Variants in EDA observed in about 807,000 individuals in gnomAD.
The protein encoded by EDA is ectodysplasin-A.
A neutral mutation model predicts 23.6 loss-of-function variants in EDA; 2 were observed. The observed-to-expected ratio is 0.08, with a 90% CI of 0.03 to 0.27. The LOEUF (loss-of-function observed/expected upper bound fraction) is 0.27, where lower values mean the gene tolerates loss of function less well. Ranked by LOEUF, EDA falls within the 10% of genes least tolerant of loss-of-function variation. EDA has a pLI of 1.00. For synonymous variants in EDA, 131 were observed against 132.0 expected, an observed-to-expected ratio of 0.99 and a Z score of 0.05; for missense variants, 229 against 324.2, an observed-to-expected ratio of 0.71 and a Z score of 2.26.
At chrX:69,861,431 A>G (rs1419731681) in intron 1 of EDA, among the ~76,000 whole-genome samples, 3 of 111,515 alleles carry the variant, frequency 2.7e-5, no homozygotes, top group African/African-American at 9.8e-5. Context: ...ATAGCTTTCA[A>G]AGTAATAGGA....
chrX:69,677,957 C>T (rs1355987460), intron 1 of EDA, among the ~76,000 whole-genome samples: 1 of 111,506 alleles, frequency 9.0e-6, no homozygotes, highest in East Asian at 2.8e-4. Flanking sequence ...GGTTTTAGGT[C>T]TAACATTTAA....
intron 1 of EDA, among the ~76,000 whole-genome samples, chrX:69,869,695 G>A (rs190950500): frequency 2.8e-4 from 31 of 111,937 alleles, no homozygotes; most frequent in Non-Finnish European, 4.9e-4. Context: ...TGATTAATTA[G>A]CCAATGTCAG....
intron 2 of EDA, among the ~76,000 whole-genome samples, chrX:70,018,493 A>T (rs1250868479): frequency 8.9e-6 from 1 of 111,897 alleles, no homozygotes; most frequent in Admixed American, 9.5e-5. Flanking sequence ...GTACAGATCG[A>T]ACAATGGAAT....
intron 1 of EDA, among the ~76,000 whole-genome samples, chrX:69,790,491 C>T (rs2015373441): frequency 9.0e-6 from 1 of 111,437 alleles, no homozygotes. Context: ...CAGTGTGTGA[C>T]CCACTCAGTG....
intron 1 of EDA, among the ~76,000 whole-genome samples, chrX:69,839,204 C>T (rs2016844848): frequency 8.9e-6 from 1 of 111,865 alleles, no homozygotes; most frequent in African/African-American, 3.3e-5. Flanking sequence ...TTCAACTCAC[C>T]AGGCCACTCT....
chrX:69,807,735 C>T (rs1207709358), intron 1 of EDA, among the ~76,000 whole-genome samples: 2 of 110,117 alleles, frequency 1.8e-5, no homozygotes, highest in African/African-American at 6.6e-5. Context: ...TCCTGTCAGG[C>T]ATTGAGTCAG....
intron 1 of EDA, among the ~76,000 whole-genome samples, chrX:69,686,062 G>A (rs1025240223): frequency 1.8e-5 from 2 of 112,234 alleles, no homozygotes; most frequent in African/African-American, 3.2e-5. Context: ...AGGCTGGAGT[G>A]CAGAGGCACG....
intron 1 of EDA, among the ~76,000 whole-genome samples, chrX:69,824,627 A>G (rs1234006082): frequency 3.0e-5 from 3 of 101,628 alleles, no homozygotes; most frequent in African/African-American, 1.1e-4. Context: ...CTAGATATAC[A>G]ATCATGTCGT....
intron 1 of EDA, among the ~76,000 whole-genome samples, chrX:69,683,220 GTCTCTT>G (rs1569295566): frequency 1.8e-5 from 2 of 111,210 alleles, no homozygotes; most frequent in Non-Finnish European, 3.8e-5. Flanking sequence ...TATTCTTATT[GTCTCTT>G]TCTCTCCCCA....
intron 1 of EDA, chrX:69,670,183 G>GTTTTTTTTTTT (rs544601085): frequency 3.0e-4 from 70 of 236,364 alleles, no homozygotes; most frequent in South Asian, 5.5e-4. Flanking sequence ...TTGGCTGACT[G>GTTTTTTTTTTT]TTTTTTTTTT....
chrX:69,927,277 G>A (rs1205369494), intron 1 of EDA, among the ~76,000 whole-genome samples: 1 of 111,703 alleles, frequency 9.0e-6, no homozygotes, highest in Non-Finnish European at 1.9e-5. Context: ...GTGTGTTTTT[G>A]CAGTGGCTGG....
chrX:69,927,909 C>T, intron 1 of EDA, among the ~76,000 whole-genome samples: 1 of 110,911 alleles, frequency 9.0e-6, no homozygotes, highest in South Asian at 3.8e-4. Flanking sequence ...TTCAGGGTCA[C>T]ACTAGGTAAA....
At chrX:69,844,494 T>C (rs1430918635) in intron 1 of EDA, among the ~76,000 whole-genome samples, 1 of 112,775 alleles carries the variant, frequency 8.9e-6, no homozygotes, top group African/African-American at 3.2e-5. Flanking sequence ...AACTACCCAA[T>C]ACTCTTAGAT....
intron 1 of EDA, among the ~76,000 whole-genome samples, chrX:69,811,070 A>G (rs753601182): frequency 8.9e-6 from 1 of 111,895 alleles, no homozygotes; most frequent in African/African-American, 3.2e-5. Flanking sequence ...TAGCCATCTG[A>G]TTTTTGGAGT....
At chrX:69,676,406 G>A (rs1473275667) in intron 1 of EDA, among the ~76,000 whole-genome samples, 1 of 111,099 alleles carries the variant, frequency 9.0e-6, no homozygotes, top group Non-Finnish European at 1.9e-5. Context: ...ACTGTTGATT[G>A]AACGTGGCAT....
At chrX:69,635,596 T>A in intron 1 of EDA, among the ~76,000 whole-genome samples, 1 of 70,331 alleles carries the variant, frequency 1.4e-5, no homozygotes, top group South Asian at 9.2e-4. Context: ...TGACACAGAG[T>A]TTCACTCTTT....
chrX:69,928,627 T>C (rs1465493642), intron 1 of EDA, among the ~76,000 whole-genome samples: 1 of 111,815 alleles, frequency 8.9e-6, no homozygotes, highest in Admixed American at 9.5e-5. Flanking sequence ...CTTATCATAT[T>C]TTTATTCTTT....
intron 2 of EDA, among the ~76,000 whole-genome samples, chrX:69,964,569 G>A (rs2019147861): frequency 8.9e-6 from 1 of 111,873 alleles, no homozygotes; most frequent in Non-Finnish European, 1.9e-5. Context: ...ATGTCTAGAT[G>A]ATTAAATACT....
intron 2 of EDA, among the ~76,000 whole-genome samples, chrX:69,967,143 A>G (rs2019186633): frequency 9.0e-6 from 1 of 110,926 alleles, no homozygotes; most frequent in African/African-American, 3.3e-5. Flanking sequence ...ACTGTAATTT[A>G]TAAGAATATA....
Sources: allele counts gnomAD v4.1 joint callset (sites outside exome capture counted in the v4.1 genomes callset), GRCh38; gene constraint gnomAD v4.1.1; transcripts MANE v1.5; gene names NCBI Gene and HGNC (gene_info 2026-07-23, HGNC 2026-07-21).